Variants in KIAA1671 observed in about 807,000 individuals in gnomAD.
KIAA1671 encodes the protein KIAA1671.
Under a neutral mutation model 131.2 loss-of-function variants are expected in KIAA1671, and 52 were observed. That is an observed-to-expected ratio of 0.40 (90% confidence interval 0.32 to 0.50). KIAA1671 has a LOEUF of 0.50. KIAA1671 is among the 20% of genes least tolerant of loss of function. KIAA1671 has a pLI of 0.73. For missense variants in KIAA1671, 2,360 were observed against 2,364.2 expected (o/e 1.00, Z 0.04); for synonymous variants, 1,003 against 961.6 (o/e 1.04, Z -0.80).
In KIAA1671 at chr22:25,040,558, A is replaced by G; in HGVS notation, c.3428A>G (p.Gln1143Arg). The G allele has an allele frequency of 6.4e-7, 1 of 1,551,782 alleles. No homozygotes were observed. The highest frequency in any genetic ancestry group is 8.7e-7 in the Non-Finnish European group (1 of 1,147,032). Residue 1143 changes from glutamine (Q) to arginine (R), a missense_variant, in exon 5 of 13, where the codon CAA becomes CGA. Physicochemically the swap from Gln to Arg is conservative, Grantham distance 43. Transcript: ENST00000358431. ...GGATCAGAAGATGGCCCTCGTCCTC[A>G]AAGCAATTGGAAGGAAAGTGCGAAC... is the stretch of plus-strand genomic sequence containing the variant. ...HRGSEDGPRP[Q>R]SNWKESANKM...
chr22:25,107,121 G>T (rs1931050129), intron 6 of KIAA1671, among the ~76,000 whole-genome samples: 1 of 152,124 alleles, frequency 6.6e-6, no homozygotes, highest in African/African-American at 2.4e-5. Context: ...TGTGGCTGGG[G>T]TGCGGTGGCT....
chr22:25,093,730 C>CTCTCTCTCTCTCTCTT (rs1568950944), intron 6 of KIAA1671, among the ~76,000 whole-genome samples: 1 of 123,648 alleles, frequency 8.1e-6, no homozygotes, highest in African/African-American at 3.9e-5. Context: ...CACACACACA[C>CTCTCTCTCTCTCTCTT]ACACACACTC....
chr22:24,966,967 C>A (rs9612821), intron 1 of KIAA1671, among the ~76,000 whole-genome samples: 1 of 152,056 alleles, frequency 6.6e-6, no homozygotes, highest in Admixed American at 6.5e-5. Flanking sequence ...AATGAATGAA[C>A]GAATGAATGA....
intron 4 of KIAA1671, among the ~76,000 whole-genome samples, chr22:25,038,361 T>C (rs992640730): frequency 5.3e-5 from 8 of 152,350 alleles, no homozygotes; most frequent in Admixed American, 2.6e-4. Context: ...TTGGAGATAA[T>C]TGAAATTTAG....
At chr22:25,132,446 T>C (rs943268079) in intron 6 of KIAA1671, among the ~76,000 whole-genome samples, 21 of 152,086 alleles carry the variant, frequency 1.4e-4, no homozygotes, top group African/African-American at 4.8e-4. Flanking sequence ...CCAGATCAAA[T>C]CCCAGATCTG....
At chr22:25,041,812 A>G (rs888462380) in intron 5 of KIAA1671, among the ~76,000 whole-genome samples, 1 of 152,144 alleles carries the variant, frequency 6.6e-6, no homozygotes, top group African/African-American at 2.4e-5. Context: ...TGGCATGATC[A>G]TGGCTCACTG....
At chr22:24,994,235 A>G (rs1281204297) in intron 1 of KIAA1671, among the ~76,000 whole-genome samples, 1 of 152,140 alleles carries the variant, frequency 6.6e-6, no homozygotes, top group Non-Finnish European at 1.5e-5. Context: ...CAGTCCTTCT[A>G]TTGTGAGTCA....
chr22:25,147,867 G>C, intron 6 of KIAA1671, among the ~76,000 whole-genome samples: 1 of 152,218 alleles, frequency 6.6e-6, no homozygotes, highest in South Asian at 2.1e-4. Flanking sequence ...TCGAAGAGGC[G>C]AGCTCTGTTT....
intron 1 of KIAA1671, among the ~76,000 whole-genome samples, chr22:24,979,792 G>A (rs909799535): frequency 1.3e-5 from 2 of 151,920 alleles, no homozygotes; most frequent in East Asian, 1.9e-4. Context: ...ATCCCATGCC[G>A]CCTCCCCACA....
At chr22:25,098,000 AG>A (rs1406469298) in intron 6 of KIAA1671, among the ~76,000 whole-genome samples, 2 of 152,152 alleles carry the variant, frequency 1.3e-5, no homozygotes, top group African/African-American at 4.8e-5. Flanking sequence ...ACCAAGGAGG[AG>A]GGTGCATCAC....
At chr22:25,020,822 C>T (rs1925626898) in intron 1 of KIAA1671, among the ~76,000 whole-genome samples, 1 of 152,144 alleles carries the variant, frequency 6.6e-6, no homozygotes, top group Admixed American at 6.6e-5. Context: ...ACGTGAGTGT[C>T]TGTGACAGAC....
intron 6 of KIAA1671, among the ~76,000 whole-genome samples, chr22:25,125,092 G>C (rs1932116689): frequency 6.6e-6 from 1 of 152,126 alleles, no homozygotes. Flanking sequence ...TTAGCTGCTG[G>C]TCCAGGGGCC....
At chr22:25,059,481 C>CA (rs5844619) in intron 6 of KIAA1671, 1,302 of 98,988 alleles carry the variant, frequency 0.013, 15 homozygotes, top group African/African-American at 0.025. Context: ...GACTCCATCT[C>CA]AAAAAAAAAA....
At chr22:24,995,264 G>A (rs2123852882) in intron 1 of KIAA1671, among the ~76,000 whole-genome samples, 1 of 151,992 alleles carries the variant, frequency 6.6e-6, no homozygotes, top group Admixed American at 6.6e-5. Flanking sequence ...ATGTTAGCCA[G>A]GATGGTCTCG....
At chr22:25,095,620 C>T (rs1568952577) in intron 6 of KIAA1671, among the ~76,000 whole-genome samples, 1 of 152,156 alleles carries the variant, frequency 6.6e-6, no homozygotes, top group South Asian at 2.1e-4. Context: ...CACTGCACTC[C>T]AGCCTGGGCA....
intron 1 of KIAA1671, among the ~76,000 whole-genome samples, chr22:24,989,091 C>T (rs1923702057): frequency 6.6e-6 from 1 of 152,112 alleles, no homozygotes; most frequent in Non-Finnish European, 1.5e-5. Flanking sequence ...TTTTCAAGGT[C>T]CCTTTGGTTC....
chr22:25,021,336 G>A (rs2123891535), intron 1 of KIAA1671, among the ~76,000 whole-genome samples: 1 of 152,230 alleles, frequency 6.6e-6, no homozygotes, highest in South Asian at 2.1e-4. Context: ...TGGGATTATA[G>A]GCATGAGACA....
At chr22:25,021,491 T>C (rs1693367198) in intron 1 of KIAA1671, among the ~76,000 whole-genome samples, 2 of 151,970 alleles carry the variant, frequency 1.3e-5, no homozygotes, top group African/African-American at 2.4e-5. Flanking sequence ...TTGTCCTTTT[T>C]TTCATCTTTG....
At chr22:25,008,658 C>G (rs991118434) in intron 1 of KIAA1671, among the ~76,000 whole-genome samples, 1 of 152,214 alleles carries the variant, frequency 6.6e-6, no homozygotes, top group Admixed American at 6.5e-5. Flanking sequence ...GAAACCCAAC[C>G]TCAGAGGGTG....
Sources: allele counts gnomAD v4.1 joint callset (sites outside exome capture counted in the v4.1 genomes callset), GRCh38; gene constraint gnomAD v4.1.1; transcripts MANE v1.5; gene names NCBI Gene and HGNC (gene_info 2026-07-23, HGNC 2026-07-21).